CDKAL1: variants seen among roughly 807,000 people sequenced by gnomAD.
CDKAL1 encodes threonylcarbamoyladenosine tRNA methylthiotransferase.
In CDKAL1, 32 loss-of-function variants were observed where a neutral mutation model predicts 68.2. That is an observed-to-expected ratio of 0.47 (90% CI 0.35 to 0.63). CDKAL1 has a LOEUF of 0.63. Among genes scored for constraint, CDKAL1 ranks in the 30% least tolerant of loss-of-function variants. CDKAL1 has a pLI of 0.00. For synonymous variants in CDKAL1, 234 were observed against 244.3 expected (o/e 0.96, Z 0.39); for missense variants, 606 against 696.7 (o/e 0.87, Z 1.47).
rs74423647 is a variant in CDKAL1, at chr6:21,230,079, C to T, written c.1549-769C>T. 5.8e-3 allele frequency among the ~76,000 whole-genome samples: 886 copies of T among 152,290 alleles called. 12 individuals are homozygous for T. The highest frequency in any genetic ancestry group is 0.02 in the African/African-American group (821 of 41,560). ...GTTATGTGGGGTGGGTCACTCTTGG[C>T]GCAGCCCTCCTGTGGCAGCAGACCA... is the stretch of plus-strand genomic sequence containing the variant. On this transcript the variant is annotated intron_variant, in intron 15 of 15. Transcript: ENST00000274695.
At chr6:21,208,158 A>G (rs938443237) in intron 15 of CDKAL1, among the ~76,000 whole-genome samples, 1 of 152,082 alleles carries the variant, frequency 6.6e-6, no homozygotes, top group Non-Finnish European at 1.5e-5. Context: ...CTGAGAATGG[A>G]TTCACTTGAG....
At chr6:20,802,482 TG>T (rs1324082413) in intron 8 of CDKAL1, among the ~76,000 whole-genome samples, 1 of 152,056 alleles carries the variant, frequency 6.6e-6, no homozygotes, top group African/African-American at 2.4e-5. Flanking sequence ...TCTCAACCTT[TG>T]TATCTATTGT....
In CDKAL1 at chr6:21,034,858, A is replaced by G. The variant is rs1347689392; in HGVS notation, c.1056-30190A>G. The stretch of plus-strand genomic sequence containing the variant: ...AAGAAATCAAATATGAACAATTCAC[A>G]TTTGACATTTTCCCTTTCTAAATAA... On this transcript the variant is annotated intron_variant, in intron 11 of 15. Transcript: ENST00000274695. Among the ~76,000 whole-genome samples, 3 of 152,304 alleles carry G rather than the reference A, an allele frequency of 2.0e-5. No homozygotes were observed. The South Asian group carries it at 6.2e-4, about 32-fold the overall frequency.
intron 5 of CDKAL1, among the ~76,000 whole-genome samples, chr6:20,672,431 T>G (rs1158003320): frequency 6.6e-6 from 1 of 151,950 alleles, no homozygotes; most frequent in Non-Finnish European, 1.5e-5. Flanking sequence ...CTTGACTCAC[T>G]GCAACCTCCA....
In CDKAL1 at chr6:21,230,754, G is replaced by T. The variant is rs559201482; in HGVS notation, c.1549-94G>T. The T allele has an allele frequency of 1.7e-4, 167 of 978,378 alleles. 2 individuals are homozygous for T. The South Asian group carries it at 3.4e-3, about 20-fold the overall frequency. The allele number at this position is 978,378 out of a possible 1,614,324, so 60.6% of individuals were successfully genotyped here. A position where few individuals can be genotyped will look rare whatever the true frequency, so the allele number is the denominator to read the frequency against. On this transcript the variant is annotated intron_variant, in intron 15 of 15. Coordinates refer to ENST00000274695, the MANE Select transcript of CDKAL1 (RefSeq NM_017774.3). ...TCTCTGTTGAAGGAGTACATAAAAG[G>T]CGGCACCTTCTGGAACCCATTGCTT...
At chr6:21,206,544 G>T (rs1184878375) in intron 15 of CDKAL1, among the ~76,000 whole-genome samples, 1 of 152,070 alleles carries the variant, frequency 6.6e-6, no homozygotes. Flanking sequence ...AGATAGAAAA[G>T]AACATTTTCT....
At chr6:21,099,349 C>T (rs1773470556) in intron 12 of CDKAL1, among the ~76,000 whole-genome samples, 1 of 152,152 alleles carries the variant, frequency 6.6e-6, no homozygotes, top group Admixed American at 6.5e-5. Context: ...ATGAGCACGG[C>T]TGTGTTCCAA....
At chr6:20,945,555 A>T (rs1466163058) in intron 9 of CDKAL1, among the ~76,000 whole-genome samples, 1 of 152,066 alleles carries the variant, frequency 6.6e-6, no homozygotes, top group East Asian at 1.9e-4. Context: ...ACATATTCTC[A>T]TTTGTCCTAT....
chr6:21,030,293 CAG>C (rs1491348693), intron 11 of CDKAL1, among the ~76,000 whole-genome samples: 2 of 152,074 alleles, frequency 1.3e-5, no homozygotes, highest in Admixed American at 1.3e-4. Context: ...CACATGGACA[CAG>C]GGAGGGAAAC....
At chr6:20,744,913 A>T (rs981324095) in intron 6 of CDKAL1, among the ~76,000 whole-genome samples, 1 of 152,234 alleles carries the variant, frequency 6.6e-6, no homozygotes, top group Non-Finnish European at 1.5e-5. Context: ...GTAACTAATT[A>T]TAGCTCTAGA....
intron 9 of CDKAL1, among the ~76,000 whole-genome samples, chr6:20,876,751 A>G (rs896176891): frequency 1.3e-5 from 2 of 152,128 alleles, no homozygotes; most frequent in African/African-American, 4.8e-5. Flanking sequence ...CTTTCCTCAC[A>G]TTGGTGAGGA....
chr6:20,901,183 G>A (rs1168592511), intron 9 of CDKAL1, among the ~76,000 whole-genome samples: 1 of 152,150 alleles, frequency 6.6e-6, no homozygotes, highest in Non-Finnish European at 1.5e-5. Context: ...AGCCCTTTCG[G>A]TGATGTACAT....
chr6:20,635,816 A>C (rs960998513), intron 4 of CDKAL1, among the ~76,000 whole-genome samples: 1 of 152,236 alleles, frequency 6.6e-6, no homozygotes, highest in African/African-American at 2.4e-5. Flanking sequence ...AAACATTCAA[A>C]TTTATTTAAG....
chr6:20,931,331 C>T (rs991716597), intron 9 of CDKAL1, among the ~76,000 whole-genome samples: 3 of 152,194 alleles, frequency 2.0e-5, no homozygotes, highest in African/African-American at 7.2e-5. Flanking sequence ...ATGTTCTCTA[C>T]TGGTAAATTT....
At chr6:21,012,764 C>T (rs1370271866) in intron 11 of CDKAL1, among the ~76,000 whole-genome samples, 6 of 152,088 alleles carry the variant, frequency 3.9e-5, no homozygotes. Flanking sequence ...GTCTTCTGTG[C>T]CCATATTTGA....
intron 4 of CDKAL1, among the ~76,000 whole-genome samples, chr6:20,633,870 G>T (rs1232469869): frequency 6.6e-6 from 1 of 152,102 alleles, no homozygotes; most frequent in African/African-American, 2.4e-5. Context: ...AAATTGGATT[G>T]TCTTTTTGTT....
At chr6:21,131,746 G>T (rs1263715974) in intron 13 of CDKAL1, among the ~76,000 whole-genome samples, 1 of 152,130 alleles carries the variant, frequency 6.6e-6, no homozygotes, top group African/African-American at 2.4e-5. Flanking sequence ...AGTTTTCATC[G>T]ATTTGAAGTA....
At chr6:21,130,112 T>G (rs1283980394) in intron 13 of CDKAL1, among the ~76,000 whole-genome samples, 1 of 152,158 alleles carries the variant, frequency 6.6e-6, no homozygotes, top group East Asian at 1.9e-4. Context: ...TTTCTAGCTA[T>G]TGTTGATTTT....
chr6:20,557,050 AAAATAAAT>A lies in CDKAL1; in HGVS notation c.286+8374_286+8381del, dbSNP rs70990047. 1.3e-3 allele frequency among the ~76,000 whole-genome samples: 117 copies of A among 88,810 alleles called. 1 individual carries two copies. The highest frequency in any genetic ancestry group is 5.7e-3 in the East Asian group (16 of 2,798). 58.3% of individuals were successfully genotyped at this position (88,810 alleles called of 152,430 possible). A position where few individuals can be genotyped will look rare whatever the true frequency, so the allele number is the denominator to read the frequency against. On this transcript the variant is annotated intron_variant, in intron 4 of 15. Transcript: ENST00000274695. ...GAACGAGTCTCCATCTCAAAAAAAA[AAAATAAAT>A]AAATAAATAAATAAATAAATAAATA...
Sources: gnomAD v4.1 joint callset for allele counts (sites outside exome capture counted in the v4.1 genomes callset) on GRCh38, gnomAD v4.1.1 for gene constraint, MANE v1.5 for transcripts, NCBI Gene and HGNC (gene_info 2026-07-23, HGNC 2026-07-21) for gene names.